NOP9: variants seen among roughly 807,000 people sequenced by gnomAD.
NOP9 encodes nucleolar protein 9.
NOP9 carries 50 observed loss-of-function variants against 63.0 expected under a neutral mutation model. The ratio of observed to expected loss-of-function variants is 0.79; its 90% confidence interval spans 0.63 to 1.00. NOP9 has a LOEUF of 1.00. NOP9 is among the 50% of genes least tolerant of loss of function. The pLI is 0.00. For missense variants in NOP9, 758 were observed against 803.0 expected (o/e 0.94, Z 0.68); for synonymous variants, 343 against 332.8 (o/e 1.03, Z -0.33).
the NOP9 span, among the ~76,000 whole-genome samples, chr14:24,287,791 T>C: frequency 6.6e-6 from 1 of 152,224 alleles, no homozygotes; most frequent in African/African-American, 2.4e-5. Context: ...TTTCCTCCTG[T>C]GTCCTCAGGG....
At chr14:24,283,440 A>C in the NOP9 span, among the ~76,000 whole-genome samples, 1 of 152,098 alleles carries the variant, frequency 6.6e-6, no homozygotes, top group Non-Finnish European at 1.5e-5. Context: ...AATACAAAAA[A>C]AAAAAAAAAC....
the NOP9 span, among the ~76,000 whole-genome samples, chr14:24,288,679 C>T: frequency 6.6e-6 from 1 of 152,056 alleles, no homozygotes; most frequent in Admixed American, 6.5e-5. Flanking sequence ...TTATGTATTG[C>T]TTGATGCTGT....
chr14:24,295,185 G>T (rs372587745), upstream of NOP9, among the ~76,000 whole-genome samples: 4 of 152,250 alleles, frequency 2.6e-5, no homozygotes, highest in East Asian at 7.7e-4. Context: ...TAAAAAGAAT[G>T]AGAGATATTT....
chr14:24,302,245 T>C lies in NOP9; in HGVS notation c.964T>C (p.Phe322Leu). ...SSVDGSPLLL[F>L]LRDQTSSRLL... is the part of the protein sequence containing the mutation. The stretch of plus-strand genomic sequence containing the variant: ...TCTTGTCCCTAGTCCCCTACTGCTA[T>C]TTCTCCGAGATCAGACGAGTTCCAG... Residue 322 changes from phenylalanine (F) to leucine (L), a missense_variant, in exon 5 of 10, where the codon TTT becomes CTT. By Grantham distance (22) the Phe-to-Leu change is conservative. Transcript: ENST00000267425. 3.7e-6 allele frequency: 6 copies of C among 1,612,232 alleles called. No individual in the cohort carries two copies. Among genetic ancestry groups the C allele is most frequent in the Non-Finnish European group, 5.1e-6 (6 of 1,178,418 alleles).
the NOP9 span, among the ~76,000 whole-genome samples, chr14:24,286,803 A>G: frequency 1.3e-5 from 2 of 152,022 alleles, no homozygotes; most frequent in South Asian, 2.1e-4. Flanking sequence ...CATGTTAGCC[A>G]GGATGGTCTC....
intron 2 of NOP9, among the ~76,000 whole-genome samples, chr14:24,301,169 C>G (rs1451834682): frequency 6.6e-6 from 1 of 152,066 alleles, no homozygotes; most frequent in Non-Finnish European, 1.5e-5. Context: ...AGCAAAAGTT[C>G]AGGAAACTAT....
At chr14:24,291,124 T>G in the NOP9 span, 6 of 1,614,012 alleles carry the variant, frequency 3.7e-6, no homozygotes, top group East Asian at 1.3e-4. Flanking sequence ...CTGACTGCTG[T>G]GCCAGGGTCC....
rs1434980915 is a variant in NOP9, at chr14:24,306,357, C to T, written c.*1262C>T. The T allele has an allele frequency of 6.2e-7, 1 of 1,613,988 alleles. No homozygotes were observed. The highest frequency in any genetic ancestry group is 8.5e-7 in the Non-Finnish European group (1 of 1,179,984). ...AAAGGACAGGCATTGGAAGCAGCCC[C>T]AGTATAGGCCTCTTACCCTTGTAGG... On this transcript the variant is annotated 3_prime_UTR_variant, in exon 10 of 10. Transcript: ENST00000267425.
Position 24,305,195 on chromosome 14 carries a change from A to T in NOP9, c.*100A>T. 1 of 1,172,828 alleles carries T rather than the reference A, an allele frequency of 8.5e-7. No homozygotes were observed. The highest frequency in any genetic ancestry group is 1.1e-6 in the Non-Finnish European group (1 of 881,936). The allele number at this position is 1,172,828 out of a possible 1,614,324, so 72.7% of individuals were successfully genotyped here. On this transcript the variant is annotated 3_prime_UTR_variant, in exon 10 of 10. Transcript: ENST00000267425. ...AATTGGAGTCAGAAGTCTTAGTGGT[A>T]AATATTTGATATTTTTATTGGAAAT...
upstream of NOP9, chr14:24,296,786 C>G: frequency 6.2e-7 from 1 of 1,614,242 alleles, no homozygotes; most frequent in Non-Finnish European, 8.5e-7. Context: ...GACGCCCTTG[C>G]TGTTCCCGAT....
chr14:24,281,740 G>T, the NOP9 span, among the ~76,000 whole-genome samples: 1 of 152,334 alleles, frequency 6.6e-6, no homozygotes. Context: ...GTAATCCAGA[G>T]ATCAGAACAG....
chr14:24,278,126 G>C, the NOP9 span, among the ~76,000 whole-genome samples: 1 of 152,130 alleles, frequency 6.6e-6, no homozygotes. Context: ...GCGTTATAGC[G>C]AGACAGGGCA....
At chr14:24,275,642 G>A in the NOP9 span, among the ~76,000 whole-genome samples, 1 of 152,228 alleles carries the variant, frequency 6.6e-6, no homozygotes, top group Non-Finnish European at 1.5e-5. Context: ...AGTCTGGAGG[G>A]AGGAAAGGGG....
At position 24,300,009 on chromosome 14, in the gene NOP9, G is replaced by T; in HGVS notation, c.55G>T (p.Gly19Cys). Residue 19 changes from glycine to cysteine, a missense_variant, in exon 1 of 10, where the codon GGC becomes TGC. Coordinates refer to ENST00000267425, the MANE Select transcript of NOP9 (RefSeq NM_174913.3). ...HKVGRRFPAG[G>C]KRGRGAKGSG... is the part of the protein sequence containing the mutation. Reference sequence around the variant, plus strand: ...GGTGGGGCGCCGGTTCCCAGCTGGTGGCAAACGGGGGCGCGGGGCCAAGGG... The same window carrying T: ...GGTGGGGCGCCGGTTCCCAGCTGGTTGCAAACGGGGGCGCGGGGCCAAGGG... 3.7e-6 allele frequency: 6 copies of T among 1,601,224 alleles called. No homozygotes were observed. The highest frequency in any genetic ancestry group is 5.1e-6 in the Non-Finnish European group (6 of 1,173,090).
In NOP9 at chr14:24,306,575, C is replaced by G. The variant is rs777775627; in HGVS notation, c.*1480C>G. 1 of 1,610,336 alleles carries G rather than the reference C, an allele frequency of 6.2e-7. No homozygotes were observed. Among genetic ancestry groups the G allele is most frequent in the East Asian group, 2.2e-5 (1 of 44,826 alleles). On this transcript the variant is annotated 3_prime_UTR_variant, in exon 10 of 10. Coordinates refer to ENST00000267425, the MANE Select transcript of NOP9 (RefSeq NM_174913.3). ...GCAGGTCTTATCCCATGCCCCTTCC[C>G]TCTTTAGCTGCCCAACATCCATCAG...
chr14:24,301,849 A>G, intron 3 of NOP9, 116 bp from the exon 4 acceptor site: 2 of 1,447,094 alleles, frequency 1.4e-6, no homozygotes, highest in Non-Finnish European at 1.9e-6. Context: ...CGTTCAGAGC[A>G]CTTTGTATAG....
chr14:24,283,651 G>A, the NOP9 span, among the ~76,000 whole-genome samples: 1 of 152,172 alleles, frequency 6.6e-6, no homozygotes. Context: ...GTACATGCCA[G>A]CCAGAGACAG....
At chr14:24,303,018 A>G in intron 5 of NOP9, 56 bp from the exon 6 acceptor site, 2 of 1,482,246 alleles carry the variant, frequency 1.3e-6, no homozygotes, top group Non-Finnish European at 1.8e-6. Context: ...ATTTCTCTGA[A>G]TAATGTGGTC....
chr14:24,289,436 A>G, the NOP9 span, among the ~76,000 whole-genome samples: 1 of 152,180 alleles, frequency 6.6e-6, no homozygotes, highest in Admixed American at 6.6e-5. Context: ...CCATTGGTGG[A>G]TTTTAATGAT....
Sources: allele counts gnomAD v4.1 joint callset (sites outside exome capture counted in the v4.1 genomes callset), GRCh38; gene constraint gnomAD v4.1.1; transcripts MANE v1.5; gene names NCBI Gene and HGNC (gene_info 2026-07-23, HGNC 2026-07-21).